The following LCT variants were observed in gnomAD, a reference collection of about 807,000 sequenced individuals.
LCT encodes the protein lactase, also known as lactase/phlorizin hydrolase.
A neutral mutation model predicts 173.0 loss-of-function variants in LCT; 90 were observed. The ratio of observed to expected loss-of-function variants is 0.52; its 90% confidence interval spans 0.44 to 0.62. The LOEUF (loss-of-function observed/expected upper bound fraction) is 0.62. LCT is among the 20% of genes least tolerant of loss of function. The pLI, the probability that LCT is intolerant of heterozygous loss-of-function variation, is 0.00. For synonymous variants in LCT, 853 were observed against 957.6 expected, an observed-to-expected ratio of 0.89 and a Z score of 2.02; for missense variants, 1,864 against 2,431.4, an observed-to-expected ratio of 0.77 and a Z score of 4.91.
intron 14 of LCT, 61 bp downstream of exon 14, chr2:135,794,580 G>A (rs2077563032): frequency 6.3e-7 from 1 of 1,583,402 alleles, no homozygotes; most frequent in African/African-American, 1.3e-5. Flanking sequence ...AGAGAGCACA[G>A]CCAAGGGCAC....
chr2:135,801,587 C>T (rs1215375785), intron 11 of LCT, among the ~76,000 whole-genome samples: 9 of 150,868 alleles, frequency 6.0e-5, no homozygotes, highest in Admixed American at 2.6e-4. Context: ...TGGTGGCAGG[C>T]GCCTGTAATC....
intron 14 of LCT, among the ~76,000 whole-genome samples, chr2:135,794,091 A>T (rs996456046): frequency 1.2e-4 from 18 of 152,024 alleles, no homozygotes; most frequent in Non-Finnish European, 2.4e-4. Context: ...GTGAGCCAAG[A>T]TTGTGCCACT....
chr2:135,819,701 T>A (rs1461639489), intron 5 of LCT, among the ~76,000 whole-genome samples: 1 of 152,314 alleles, frequency 6.6e-6, no homozygotes, highest in East Asian at 1.9e-4. Context: ...CTTTCCTTCG[T>A]AGATGATCCC....
chr2:135,818,406 C>T (rs1183038748), intron 5 of LCT, among the ~76,000 whole-genome samples: 1 of 152,190 alleles, frequency 6.6e-6, no homozygotes, highest in Non-Finnish European at 1.5e-5. Flanking sequence ...AACAATGACT[C>T]CAATTTATTG....
chr2:135,797,462 CG>C (rs2077591719), intron 13 of LCT, among the ~76,000 whole-genome samples: 1 of 152,138 alleles, frequency 6.6e-6, no homozygotes, highest in African/African-American at 2.4e-5. Flanking sequence ...CCCTGGGGGC[CG>C]ACAGCTTGGC....
intron 6 of LCT, among the ~76,000 whole-genome samples, chr2:135,816,495 A>G (rs2105541614): frequency 6.6e-6 from 1 of 152,364 alleles, no homozygotes; most frequent in Non-Finnish European, 1.5e-5. Flanking sequence ...AAAGTAGCCC[A>G]AGAATAAAGC....
Position 135,836,620 on chromosome 2 carries a change from G to A in LCT, c.550C>T (p.His184Tyr), listed in dbSNP as rs1208865169. 6.2e-7 allele frequency: 1 copy of A among 1,613,892 alleles called. No individual in the cohort carries two copies. Among genetic ancestry groups the A allele is most frequent in the Non-Finnish European group, 8.5e-7 (1 of 1,179,906 alleles). Residue 184 changes from histidine to tyrosine, a missense_variant, in exon 1 of 17, where the codon CAC (histidine) becomes TAC (tyrosine). By Grantham distance (83) the His-to-Tyr change is moderately conservative. Coordinates refer to ENST00000264162, the MANE Select transcript of LCT (RefSeq NM_002299.4). The part of the protein sequence containing the change: ...DLEEVIKELP[H>Y]QESRASQLQT... ...AGTTGTGACGCTCTTGATTCCTGGT[G>A]GGGAAGCTCCTTGATCACTTCCTCC...
intron 5 of LCT, among the ~76,000 whole-genome samples, chr2:135,820,961 A>C (rs2077823581): frequency 6.6e-6 from 1 of 151,874 alleles, no homozygotes; most frequent in South Asian, 2.1e-4. Flanking sequence ...GCTCACTGCA[A>C]GCTCTGCCTC....
intron 5 of LCT, 28 bp from the exon 6 acceptor site, chr2:135,818,089 CATA>C (rs765047778): frequency 6.2e-7 from 1 of 1,612,628 alleles, no homozygotes; most frequent in Admixed American, 1.7e-5. Flanking sequence ...CAAAAAGGGA[CATA>C]ATAATGAATG....
intron 6 of LCT, among the ~76,000 whole-genome samples, chr2:135,815,145 G>C (rs1293003669): frequency 1.3e-5 from 2 of 152,196 alleles, no homozygotes; most frequent in Non-Finnish European, 2.9e-5. Flanking sequence ...CCCAGCTCCA[G>C]AATGCTGGGA....
chr2:135,825,533 C>A (rs1460269799), intron 3 of LCT, among the ~76,000 whole-genome samples: 1 of 152,212 alleles, frequency 6.6e-6, no homozygotes, highest in African/African-American at 2.4e-5. Flanking sequence ...GCCTCGGAGG[C>A]CCCCAGCCTG....
intron 3 of LCT, among the ~76,000 whole-genome samples, chr2:135,825,068 T>C (rs2077874486): frequency 1.3e-5 from 2 of 152,188 alleles, no homozygotes; most frequent in African/African-American, 4.8e-5. Flanking sequence ...TAATTTCCTC[T>C]TCTTATTTCT....
In LCT at chr2:135,817,426, TG is replaced by T; in HGVS notation, c.1621del (p.His541MetfsTer5). 1 of 1,614,112 alleles carries T rather than the reference TG, an allele frequency of 6.2e-7. No homozygotes were observed. Among genetic ancestry groups the T allele is most frequent in the Non-Finnish European group, 8.5e-7 (1 of 1,180,026 alleles). On this transcript the variant is annotated frameshift_variant, in exon 6 of 17. Coordinates refer to ENST00000264162, the MANE Select transcript of LCT (RefSeq NM_002299.4). LOFTEE classifies it high-confidence loss of function. ...TGCGTAGCTCATCACCCACGGCTCA[TG>T]GAAGGTCACCCACAGCTTCACACGG... is the stretch of plus-strand genomic sequence containing the variant. ...GDRVKLWVTF[H>X]EPWVMSYAGY...
Position 135,789,580 on chromosome 2 carries a change from G to A in LCT, c.5554C>T (p.His1852Tyr). Residue 1852 changes from histidine (H) to tyrosine (Y), a missense_variant, in exon 16 of 17, where the codon CAC (histidine) becomes TAC (tyrosine). This residue lies in a region of LCT where 514 missense variants were observed against 750.1 expected (regional missense o/e 0.69). Coordinates refer to ENST00000264162, the MANE Select transcript of LCT (RefSeq NM_002299.4). Reference protein sequence around the residue: ...DPATGPHACLHQPDAGPTISP... With the variant: ...DPATGPHACLYQPDAGPTISP... ...CAGAGCCACATCTCACCTGGCTGGT[G>A]GAGACAAGCGTGAGGCCCTGTAGCG... 2 of 1,612,794 alleles carry A rather than the reference G, an allele frequency of 1.2e-6. No homozygotes were observed. Among genetic ancestry groups the A allele is most frequent in the Non-Finnish European group, 1.7e-6 (2 of 1,179,102 alleles).
chr2:135,831,144 T>G (rs2077934555), intron 2 of LCT, among the ~76,000 whole-genome samples: 1 of 152,124 alleles, frequency 6.6e-6, no homozygotes, highest in South Asian at 2.1e-4. Flanking sequence ...GAACCACTGG[T>G]CTAAAGCAAT....
intron 5 of LCT, among the ~76,000 whole-genome samples, chr2:135,819,349 G>A (rs1204775178): frequency 6.6e-6 from 1 of 151,360 alleles, no homozygotes; most frequent in Non-Finnish European, 1.5e-5. Flanking sequence ...TCTAAATTGA[G>A]TCATGTCATG....
At chr2:135,804,634 C>A (rs143950803) in intron 10 of LCT, 133 bp downstream of exon 10, 3 of 883,550 alleles carry the variant, frequency 3.4e-6, no homozygotes, top group South Asian at 1.6e-5. Context: ...AGCGAGACTA[C>A]GTCTCAAAAA....
Position 135,836,954 on chromosome 2 carries a change from C to G in LCT, c.216G>C (p.Leu72=), listed in dbSNP as rs576463746. Residue 72 remains leucine, a synonymous_variant, in exon 1 of 17, where the codon CTG becomes CTC. Transcript: ENST00000264162. Reference sequence around the variant, plus strand: ...CATGGAGACTGCTGAAGTATTCTGGCAGGAAAGTGGGCAGTGGCTGGTGAC... The same window carrying G: ...CATGGAGACTGCTGAAGTATTCTGGGAGGAAAGTGGGCAGTGGCTGGTGAC... ...YVCHQPLPTF[L]PEYFSSLHAS... 5.0e-6 allele frequency: 8 copies of G among 1,614,116 alleles called. No homozygotes were observed. In the East Asian group the frequency reaches 1.6e-4, roughly 31 times the overall value.
In LCT at chr2:135,812,909, G is replaced by A. The variant is rs747136205; in HGVS notation, c.1755C>T (p.Tyr585=). The change falls in exon 7 of 17, where the codon TAC becomes TAT. Residue 585 remains tyrosine (Y), a synonymous_variant. Transcript: ENST00000264162. ...GCTGCTGTGGGCGATGATGGCTGTTGTAGTGGTGCCAAGTTCTGGCATGAG... is the reference window on the plus strand; with the variant it reads ...GCTGCTGTGGGCGATGATGGCTGTTATAGTGGTGCCAAGTTCTGGCATGAG... The part of the protein sequence containing the change: ...LKAHARTWHH[Y]NSHHRPQQQG... 20 of 1,614,104 alleles carry A rather than the reference G, an allele frequency of 1.2e-5. No homozygotes were observed. The highest frequency in any genetic ancestry group is 2.2e-5 in the East Asian group (1 of 44,904).
Sources: allele counts gnomAD v4.1 joint callset (sites outside exome capture counted in the v4.1 genomes callset), GRCh38; gene constraint gnomAD v4.1.1; regional missense constraint gnomAD v4.1.1; transcripts MANE v1.5; gene names NCBI Gene and HGNC (gene_info 2026-07-23, HGNC 2026-07-21).